Variants in TCF4 observed in about 807,000 individuals in gnomAD.
TCF4 encodes the protein transcription factor 4, also known as SL3-3 enhancer factor 2.
A neutral mutation model predicts 82.1 loss-of-function variants in TCF4; 3 were observed. The ratio of observed to expected loss-of-function variants is 0.04; its 90% confidence interval spans 0.02 to 0.09. The LOEUF is 0.09. Ranked by LOEUF, TCF4 falls within the 10% of genes least tolerant of loss-of-function variation. The pLI is 1.00. For synonymous variants in TCF4, 276 were observed against 309.6 expected, an observed-to-expected ratio of 0.89 and a Z score of 1.14; for missense variants, 518 against 852.7, an observed-to-expected ratio of 0.61 and a Z score of 4.89.
intron 2 of TCF4, among the ~76,000 whole-genome samples, chr18:55,598,122 A>G (rs2097693088): frequency 6.6e-6 from 1 of 152,252 alleles, no homozygotes; most frequent in African/African-American, 2.4e-5. Context: ...CCGTAAAACT[A>G]TAATGCAAGG....
In TCF4 at chr18:55,588,092, A is replaced by C; in HGVS notation, c.-75T>G. ...CACCGCCGGCGCCGAGGCGGCGTTC[A>C]TGTCTAACCGCCGCCGCCACCGCCG... On this transcript the variant is annotated 5_prime_UTR_variant, in exon 1 of 20. The change abolishes an upstream ATG in the 5' untranslated region. Coordinates refer to ENST00000354452, the MANE Select transcript of TCF4 (RefSeq NM_001083962.2). 2 of 1,010,454 alleles carry C rather than the reference A, an allele frequency of 2.0e-6. No homozygotes were observed. The highest frequency in any genetic ancestry group is 2.4e-6 in the Non-Finnish European group (2 of 850,332). The allele number at this position is 1,010,454 out of a possible 1,614,324, so 62.6% of individuals were successfully genotyped here.
intron 8 of TCF4, among the ~76,000 whole-genome samples, chr18:55,335,503 T>C (rs1200849494): frequency 6.6e-6 from 1 of 152,190 alleles, no homozygotes; most frequent in Non-Finnish European, 1.5e-5. Context: ...GCCTTTTTAC[T>C]AGGCATATAA....
At chr18:55,321,408 C>A in intron 8 of TCF4, 1 of 513,486 alleles carries the variant, frequency 1.9e-6, no homozygotes, top group South Asian at 2.8e-5. Context: ...TGACTGCAAA[C>A]TTTCGCTCTA....
chr18:55,532,893 T>C (rs1328646305), intron 3 of TCF4, among the ~76,000 whole-genome samples: 1 of 152,044 alleles, frequency 6.6e-6, no homozygotes, highest in Non-Finnish European at 1.5e-5. Flanking sequence ...TTAACTTACC[T>C]CTCTGTGAAA....
At chr18:55,492,348 C>T (rs1338405203) in intron 3 of TCF4, 1 of 152,132 alleles carries the variant, frequency 6.6e-6, no homozygotes, top group East Asian at 1.9e-4. Context: ...TCATGTTCTG[C>T]TACACAATCA....
intron 3 of TCF4, among the ~76,000 whole-genome samples, chr18:55,573,563 A>G (rs2097497973): frequency 6.6e-6 from 1 of 152,126 alleles, no homozygotes; most frequent in Non-Finnish European, 1.5e-5. Flanking sequence ...GTCTTGCGGG[A>G]TCTGACACCT....
intron 3 of TCF4, among the ~76,000 whole-genome samples, chr18:55,470,088 C>A (rs1568141680): frequency 6.6e-6 from 1 of 152,020 alleles, no homozygotes; most frequent in Non-Finnish European, 1.5e-5. Context: ...AAGACATACC[C>A]CAAAGTCAGT....
At chr18:55,439,780 C>G (rs773356719) in intron 5 of TCF4, among the ~76,000 whole-genome samples, 1 of 152,146 alleles carries the variant, frequency 6.6e-6, no homozygotes, top group African/African-American at 2.4e-5. Flanking sequence ...AAGAGTATAA[C>G]GGCATGATCT....
intron 3 of TCF4, among the ~76,000 whole-genome samples, chr18:55,575,403 T>C (rs765861845): frequency 1.3e-5 from 2 of 152,328 alleles, no homozygotes; most frequent in Middle Eastern, 3.4e-3. Flanking sequence ...ATATTCAACC[T>C]GGAAATATTA....
At chr18:55,512,121 C>T (rs777509880) in intron 3 of TCF4, among the ~76,000 whole-genome samples, 2 of 152,110 alleles carry the variant, frequency 1.3e-5, no homozygotes, top group African/African-American at 2.4e-5. Flanking sequence ...CAAATTGGCA[C>T]AGCCTTCCTA....
intron 3 of TCF4, among the ~76,000 whole-genome samples, chr18:55,487,107 C>A (rs541129633): frequency 1.3e-5 from 2 of 152,278 alleles, no homozygotes; most frequent in South Asian, 4.1e-4. Flanking sequence ...TGTGTACTTT[C>A]TTCTCATGTT....
At chr18:55,271,372 C>T (rs764819443) in intron 10 of TCF4, among the ~76,000 whole-genome samples, 3 of 152,082 alleles carry the variant, frequency 2.0e-5, no homozygotes, top group Non-Finnish European at 4.4e-5. Flanking sequence ...CTACTGAACA[C>T]ATAATTATAC....
upstream of TCF4, among the ~76,000 whole-genome samples, chr18:55,593,013 C>T (rs2097687243): frequency 6.6e-6 from 1 of 152,234 alleles, no homozygotes; most frequent in Non-Finnish European, 1.5e-5. Flanking sequence ...CTGATCCTTA[C>T]TACTAAAGAA....
At chr18:55,375,518 A>G (rs1032472068) in intron 6 of TCF4, among the ~76,000 whole-genome samples, 11 of 152,118 alleles carry the variant, frequency 7.2e-5, no homozygotes, top group Non-Finnish European at 1.6e-4. Context: ...TTCTCTTAAC[A>G]CTCTCCTGTA....
chr18:55,421,301 G>C (rs369129519), intron 5 of TCF4, among the ~76,000 whole-genome samples: 4 of 152,116 alleles, frequency 2.6e-5, no homozygotes, highest in East Asian at 3.8e-4. Flanking sequence ...GGAACCCCAA[G>C]AGTTTAACAA....
chr18:55,362,339 GAGGAAGGAAGGA>G (rs765447444), intron 6 of TCF4, among the ~76,000 whole-genome samples: 27 of 68,574 alleles, frequency 3.9e-4, no homozygotes, highest in East Asian at 5.0e-4. Context: ...AAAAAAAAAA[GAGGAAGGAAGGA>G]AGGAAGGAAG....
rs972020526 is a variant in TCF4, at chr18:55,224,013, C to T, written c.*4022G>A. 6.6e-6 allele frequency: 1 copy of T among 150,652 alleles called. No homozygotes were observed. Among genetic ancestry groups the T allele is most frequent in the East Asian group, 1.9e-4 (1 of 5,174 alleles). 9.3% of individuals were successfully genotyped at this position (150,652 alleles called of 1,614,324 possible). A position where few individuals can be genotyped will look rare whatever the true frequency, so the allele number is the denominator to read the frequency against. ...TCATGGTATAAAAGGATTGCTCCTGCGAAAAATAAGCCAAATATATTTTTT... is the reference window on the plus strand; with the variant it reads ...TCATGGTATAAAAGGATTGCTCCTGTGAAAAATAAGCCAAATATATTTTTT... On this transcript the variant is annotated 3_prime_UTR_variant, in exon 20 of 20. Coordinates refer to ENST00000354452, the MANE Select transcript of TCF4 (RefSeq NM_001083962.2).
At chr18:55,346,908 TAAG>T (rs1370567144) in intron 8 of TCF4, among the ~76,000 whole-genome samples, 2 of 152,180 alleles carry the variant, frequency 1.3e-5, no homozygotes, top group Non-Finnish European at 2.9e-5. Flanking sequence ...TAATTTCTGT[TAAG>T]AATCATAAAT....
At chr18:55,377,634 TTCA>T (rs1004463223) in intron 6 of TCF4, among the ~76,000 whole-genome samples, 28 of 152,196 alleles carry the variant, frequency 1.8e-4, no homozygotes, top group African/African-American at 6.3e-4. Context: ...ACCTGGCTAT[TTCA>T]AAAAGGACTT....
Sources: allele counts gnomAD v4.1 joint callset (sites outside exome capture counted in the v4.1 genomes callset), GRCh38; gene constraint gnomAD v4.1.1; transcripts MANE v1.5; gene names NCBI Gene and HGNC (gene_info 2026-07-23, HGNC 2026-07-21).